The following CYB5R4 variants were observed in gnomAD, a reference collection of about 807,000 sequenced individuals.
CYB5R4 encodes the protein cytochrome b5 reductase 4.
CYB5R4 carries 55 observed loss-of-function variants against 70.2 expected under a neutral mutation model. The ratio of observed to expected loss-of-function variants is 0.78; its 90% CI spans 0.63 to 0.98. CYB5R4 has a LOEUF of 0.98. Among genes scored for constraint, CYB5R4 ranks in the 50% least tolerant of loss-of-function variants. The pLI is 0.00. For synonymous variants in CYB5R4, 197 were observed against 199.5 expected, an observed-to-expected ratio of 0.99 and a Z score of 0.11; for missense variants, 562 against 612.6, an observed-to-expected ratio of 0.92 and a Z score of 0.87.
At chr6:83,933,146 T>C (rs184963575) in intron 10 of CYB5R4, among the ~76,000 whole-genome samples, 378 of 152,330 alleles carry the variant, frequency 2.5e-3, no homozygotes, top group African/African-American at 7.5e-3. Context: ...CCTATGTCCT[T>C]TGACCCTTTG....
intron 12 of CYB5R4, among the ~76,000 whole-genome samples, chr6:83,936,596 G>T (rs929906511): frequency 6.6e-6 from 1 of 152,008 alleles, no homozygotes; most frequent in African/African-American, 2.4e-5. Context: ...CTGGAAACTC[G>T]AGTCGGCCTT....
At chr6:83,863,398 T>C (rs9362016) in intron 1 of CYB5R4, among the ~76,000 whole-genome samples, 23,379 of 152,190 alleles carry the variant, frequency 0.15, 3,512 homozygotes, top group African/African-American at 0.37. Flanking sequence ...TTTGATAAAC[T>C]TTGTTACTCA....
At chr6:83,928,800 G>A (rs1355957348) in intron 10 of CYB5R4, among the ~76,000 whole-genome samples, 3 of 152,126 alleles carry the variant, frequency 2.0e-5, no homozygotes, top group Non-Finnish European at 2.9e-5. Context: ...TCTAGTGACT[G>A]AAAAATCATA....
chr6:83,892,982 T>A (rs1463381810), intron 2 of CYB5R4, among the ~76,000 whole-genome samples: 2 of 152,192 alleles, frequency 1.3e-5, no homozygotes, highest in Admixed American at 1.3e-4. Flanking sequence ...TTTTGTACAG[T>A]CTTTTAAAGG....
At chr6:83,878,347 T>C (rs2099458904) in intron 2 of CYB5R4, among the ~76,000 whole-genome samples, 3 of 145,156 alleles carry the variant, frequency 2.1e-5, no homozygotes, top group Non-Finnish European at 4.4e-5. Context: ...AAGATGTGTT[T>C]TGTAAATTTT....
Position 83,893,543 on chromosome 6 carries a change from C to G in CYB5R4, c.251C>G (p.Pro84Arg). 1.2e-6 allele frequency: 2 copies of G among 1,610,726 alleles called. No individual in the cohort carries two copies. Among genetic ancestry groups the G allele is most frequent in the Non-Finnish European group, 1.7e-6 (2 of 1,177,496 alleles). ...ACAGGTTTCGTTTATAATGTCAGCC[C>G]TTATATGGAGTATCATCCTGGTGGA... Reference protein sequence around the residue: ...CIRGFVYNVSPYMEYHPGGED... With the variant: ...CIRGFVYNVSRYMEYHPGGED... Residue 84 changes from proline (P) to arginine (R), a missense_variant, in exon 3 of 16, where the codon CCT becomes CGT. Coordinates refer to ENST00000369681, the MANE Select transcript of CYB5R4 (RefSeq NM_016230.4).
chr6:83,945,335 G>A (rs536269904), intron 14 of CYB5R4, among the ~76,000 whole-genome samples: 11 of 152,224 alleles, frequency 7.2e-5, no homozygotes, highest in East Asian at 1.9e-4. Context: ...CAGAAATAAC[G>A]AAATTAAGGC....
At position 83,897,698 on chromosome 6, in the gene CYB5R4, T is replaced by G. The variant is rs181902478; in HGVS notation, c.330+4076T>G. ...TGTTGGCTGCATAAATATCTTCTTTTGAGAAGTGTCTGTTCATATCCTTTG... is the reference window on the plus strand; with the variant it reads ...TGTTGGCTGCATAAATATCTTCTTTGGAGAAGTGTCTGTTCATATCCTTTG... On this transcript the variant is annotated intron_variant, in intron 3 of 15. Coordinates refer to ENST00000369681, the MANE Select transcript of CYB5R4 (RefSeq NM_016230.4). Among the ~76,000 whole-genome samples, 303 of 152,360 alleles carry G rather than the reference T, an allele frequency of 2.0e-3. 3 individuals carry two copies. Among genetic ancestry groups the G allele is most frequent in the African/African-American group, 6.7e-3 (278 of 41,586 alleles).
chr6:83,899,960 A>G (rs548178470), intron 3 of CYB5R4, among the ~76,000 whole-genome samples: 9 of 151,800 alleles, frequency 5.9e-5, no homozygotes, highest in African/African-American at 1.7e-4. Flanking sequence ...TTATGTCTCT[A>G]TCTCCTTCAG....
rs865888909 is a variant in CYB5R4, at chr6:83,859,702, G to A, written c.-81G>A. 26 of 1,503,398 alleles carry A rather than the reference G, an allele frequency of 1.7e-5. No individual in the cohort carries two copies. The African/African-American group carries it at 1.9e-4, about 11-fold the overall frequency. 93.1% of individuals were successfully genotyped at this position (1,503,398 alleles called of 1,614,324 possible). On this transcript the variant is annotated 5_prime_UTR_variant, in exon 1 of 16. Transcript: ENST00000369681. ...GAAGTGGGTCGGGGGCTTGGCCTCT[G>A]CCCGGCCACAGAGCCGGAGCTGGAG...
intron 11 of CYB5R4, 68 bp from the exon 12 acceptor site, chr6:83,936,156 T>G: frequency 8.7e-7 from 1 of 1,146,948 alleles, no homozygotes; most frequent in Non-Finnish European, 1.2e-6. Flanking sequence ...AAAATTTGGA[T>G]GTTTCATTTT....
intron 10 of CYB5R4, among the ~76,000 whole-genome samples, chr6:83,927,813 C>T (rs2099467563): frequency 6.6e-6 from 1 of 152,122 alleles, no homozygotes; most frequent in African/African-American, 2.4e-5. Context: ...TCAGCCTGTC[C>T]TGTCCTCAGA....
intron 12 of CYB5R4, among the ~76,000 whole-genome samples, chr6:83,939,540 A>C (rs1260552350): frequency 2.0e-5 from 3 of 151,032 alleles, no homozygotes; most frequent in African/African-American, 7.4e-5. Context: ...TTGGTGTGTT[A>C]ATCAACATAA....
chr6:83,898,383 G>C (rs1472818993), intron 3 of CYB5R4, among the ~76,000 whole-genome samples: 1 of 152,126 alleles, frequency 6.6e-6, no homozygotes, highest in African/African-American at 2.4e-5. Context: ...AGTATAGTTT[G>C]AAGTCAGGTA....
intron 6 of CYB5R4, 148 bp downstream of exon 6, chr6:83,918,213 G>C: frequency 1.9e-6 from 1 of 525,734 alleles, no homozygotes; most frequent in South Asian, 3.4e-5. Flanking sequence ...TCATTTATTA[G>C]ATGTTGTTGG....
At chr6:83,929,919 TG>T (rs1235027791) in intron 10 of CYB5R4, among the ~76,000 whole-genome samples, 3 of 152,084 alleles carry the variant, frequency 2.0e-5, no homozygotes, top group Non-Finnish European at 4.4e-5. Flanking sequence ...AGGCACATGT[TG>T]GAGATGTTGT....
intron 2 of CYB5R4, among the ~76,000 whole-genome samples, chr6:83,881,137 G>A (rs1204508123): frequency 6.6e-6 from 1 of 152,016 alleles, no homozygotes; most frequent in Non-Finnish European, 1.5e-5. Context: ...ATATGCCACA[G>A]AGGATTTGGG....
chr6:83,874,606 G>A (rs1329779415), intron 2 of CYB5R4, among the ~76,000 whole-genome samples: 3 of 149,476 alleles, frequency 2.0e-5, no homozygotes, highest in Non-Finnish European at 3.0e-5. Flanking sequence ...GCCATTGGTC[G>A]TCCTTTATTG....
chr6:83,891,374 GA>G (rs1315290657), intron 2 of CYB5R4, among the ~76,000 whole-genome samples: 4 of 152,238 alleles, frequency 2.6e-5, no homozygotes, highest in Middle Eastern at 3.4e-3. Context: ...AAAGCACGAA[GA>G]AAAAGCATAA....
Sources: allele counts gnomAD v4.1 joint callset (sites outside exome capture counted in the v4.1 genomes callset), GRCh38; gene constraint gnomAD v4.1.1; transcripts MANE v1.5; gene names NCBI Gene and HGNC (gene_info 2026-07-23, HGNC 2026-07-21).